PCDH15: variants seen among roughly 807,000 people sequenced by gnomAD.
PCDH15 encodes protocadherin-15.
In PCDH15, 129 loss-of-function variants were observed where a neutral mutation model predicts 178.5. That is an observed-to-expected ratio of 0.72 (90% confidence interval 0.63 to 0.84). The LOEUF (loss-of-function observed/expected upper bound fraction) is 0.84. Among genes scored for constraint, PCDH15 ranks in the 40% least tolerant of loss-of-function variants. PCDH15 has a pLI of 0.00. For synonymous variants in PCDH15, 800 were observed against 732.0 expected (o/e 1.09, Z -1.50); for missense variants, 2,230 against 2,099.9 (o/e 1.06, Z -1.21).
rs575764946 is a variant in PCDH15, at chr10:54,169,377, C to T, written c.1590+14067G>A. 8.0e-4 allele frequency among the ~76,000 whole-genome samples: 103 copies of T among 129,376 alleles called. 1 individual carries two copies. The highest frequency in any genetic ancestry group is 7.1e-3 in the Middle Eastern group (2 of 280). 84.9% of individuals were successfully genotyped at this position (129,376 alleles called of 152,430 possible). On this transcript the variant is annotated intron_variant, in intron 13 of 37. Coordinates refer to ENST00000644397, the MANE Select transcript of PCDH15 (RefSeq NM_001384140.1). ...ACCTTCTTTTCAAGGGCCTGTTTCCCTTGCCTCCATAACTGTTGTGGGTAT... is the reference window on the plus strand; with the variant it reads ...ACCTTCTTTTCAAGGGCCTGTTTCCTTTGCCTCCATAACTGTTGTGGGTAT...
Position 54,901,982 on chromosome 10 carries a change from A to C in PCDH15, c.-79-4482T>G, listed in dbSNP as rs933143895. ...TATTAAGCAAATTTACCAAATATTC[A>C]TATTGATACATTCCATTCAAATGAT... On this transcript the variant is annotated intron_variant, in intron 2 of 5. Transcript: ENST00000458638. Among the ~76,000 whole-genome samples the C allele has an allele frequency of 2.3e-5, 2 of 87,854 alleles. 1 individual carries two copies. The highest frequency in any genetic ancestry group is 4.4e-5 in the Non-Finnish European group (2 of 45,714). The allele number at this position is 87,854 out of a possible 152,430, so 57.6% of individuals were successfully genotyped here. A position where few individuals can be genotyped will look rare whatever the true frequency, so the allele number is the denominator to read the frequency against.
At chr10:54,032,346 T>A (rs1392150371) in intron 18 of PCDH15, among the ~76,000 whole-genome samples, 1 of 152,026 alleles carries the variant, frequency 6.6e-6, no homozygotes, top group Non-Finnish European at 1.5e-5. Flanking sequence ...TTTTTTTCTG[T>A]CATTTTTTAA....
chr10:55,147,795 C>T (rs1157219926), intron 2 of PCDH15, among the ~76,000 whole-genome samples: 1 of 146,024 alleles, frequency 6.8e-6, no homozygotes, highest in Non-Finnish European at 1.5e-5. Flanking sequence ...TATATCTCCT[C>T]TTTCTTCTTA....
At chr10:54,105,364 A>T (rs2094899797) in intron 15 of PCDH15, among the ~76,000 whole-genome samples, 1 of 148,338 alleles carries the variant, frequency 6.7e-6, no homozygotes, top group African/African-American at 2.5e-5. Flanking sequence ...ACATACACAA[A>T]ACTAATAGGA....
At chr10:54,834,137 A>G (rs769552460) in intron 3 of PCDH15, among the ~76,000 whole-genome samples, 3 of 152,016 alleles carry the variant, frequency 2.0e-5, no homozygotes, top group Non-Finnish European at 2.9e-5. Flanking sequence ...TCCAGTGCCT[A>G]ACACATTGCC....
chr10:54,585,353 G>A (rs1460170199), intron 2 of PCDH15, among the ~76,000 whole-genome samples: 2 of 152,054 alleles, frequency 1.3e-5, no homozygotes, highest in Non-Finnish European at 2.9e-5. Context: ...TTCTTTAGGA[G>A]GCTGAATATT....
At position 54,535,014 on chromosome 10, in the gene PCDH15, T is replaced by G. The variant is rs142994581; in HGVS notation, c.92-7137A>C. On this transcript the variant is annotated intron_variant, in intron 2 of 37. Coordinates refer to ENST00000644397, the MANE Select transcript of PCDH15 (RefSeq NM_001384140.1). ...ATGATAGAACAAAAGCAAAATAAAC[T>G]GAGTAAATTTAAGGACAGAGCAAGT... Among the ~76,000 whole-genome samples, 469 of 152,330 alleles carry G rather than the reference T, an allele frequency of 3.1e-3. 1 individual carries two copies. Among genetic ancestry groups the G allele is most frequent in the Non-Finnish European group, 4.7e-3 (321 of 68,020 alleles).
chr10:54,618,838 T>C (rs1057479256), intron 2 of PCDH15, among the ~76,000 whole-genome samples: 1 of 152,022 alleles, frequency 6.6e-6, no homozygotes, highest in East Asian at 1.9e-4. Context: ...GCAAAATATA[T>C]GAAGACACAC....
At chr10:55,445,550 A>G (rs7913592) in intron 2 of PCDH15, among the ~76,000 whole-genome samples, 47,192 of 152,050 alleles carry the variant, frequency 0.31, 7,548 homozygotes, top group African/African-American at 0.37. Context: ...TGAAAAATAC[A>G]TATGCTACAA....
chr10:55,210,318 T>C (rs1193296746), intron 1 of PCDH15, among the ~76,000 whole-genome samples: 2 of 152,028 alleles, frequency 1.3e-5, no homozygotes, highest in Non-Finnish European at 2.9e-5. Context: ...AAGTCACTTA[T>C]GAAGTTTTTA....
intron 8 of PCDH15, among the ~76,000 whole-genome samples, chr10:54,303,598 G>A (rs1591687041): frequency 6.6e-6 from 1 of 152,036 alleles, no homozygotes; most frequent in African/African-American, 2.4e-5. Flanking sequence ...GTATACAAGA[G>A]AATGTAATTT....
intron 1 of PCDH15, among the ~76,000 whole-genome samples, chr10:55,192,903 CAT>C (rs941362064): frequency 6.7e-6 from 1 of 149,714 alleles, no homozygotes; most frequent in African/African-American, 2.5e-5. Context: ...TTTATTGTAA[CAT>C]GTGAATTAAA....
intron 8 of PCDH15, among the ~76,000 whole-genome samples, chr10:54,292,978 G>C (rs1046286675): frequency 6.6e-6 from 1 of 151,988 alleles, no homozygotes; most frequent in Non-Finnish European, 1.5e-5. Flanking sequence ...TAAAGTTCAA[G>C]TGGAAATAAA....
At chr10:54,861,286 A>G (rs774090937) in intron 3 of PCDH15, among the ~76,000 whole-genome samples, 41 of 152,186 alleles carry the variant, frequency 2.7e-4, no homozygotes, top group Non-Finnish European at 5.0e-4. Flanking sequence ...GATAAAAGTA[A>G]CATTACATCT....
At chr10:55,140,118 T>C (rs1215559297) in intron 2 of PCDH15, among the ~76,000 whole-genome samples, 1 of 151,990 alleles carries the variant, frequency 6.6e-6, no homozygotes, top group Non-Finnish European at 1.5e-5. Context: ...TTATTTGGTC[T>C]CCTGTGACGT....
Position 54,793,866 on chromosome 10 carries a change from T to C in PCDH15, c.-29+7059A>G, listed in dbSNP as rs1170587169. Among the ~76,000 whole-genome samples, 4 of 148,724 alleles carry C rather than the reference T, an allele frequency of 2.7e-5. No individual in the cohort carries two copies. The East Asian group carries it at 7.9e-4, about 29-fold the overall frequency. ...AGTAAATCAAAAGATAACATCATAA[T>C]CATGTTATTTAAAAATATGTGAATA... On this transcript the variant is annotated intron_variant, in intron 1 of 37. Transcript: ENST00000644397.
intron 2 of PCDH15, among the ~76,000 whole-genome samples, chr10:55,562,546 G>A (rs1332252616): frequency 4.0e-5 from 6 of 151,844 alleles, no homozygotes; most frequent in East Asian, 1.9e-4. Context: ...GAAATGTGTC[G>A]TACATCTATA....
intron 20 of PCDH15, among the ~76,000 whole-genome samples, chr10:54,006,885 C>T (rs1403012400): frequency 6.6e-6 from 1 of 152,120 alleles, no homozygotes; most frequent in Non-Finnish European, 1.5e-5. Context: ...CCTACTCCCA[C>T]ACCTGCACAC....
At chr10:54,564,077 C>G (rs1590138777) in intron 2 of PCDH15, among the ~76,000 whole-genome samples, 1 of 151,964 alleles carries the variant, frequency 6.6e-6, no homozygotes, top group Admixed American at 6.6e-5. Context: ...TAAAGAATTA[C>G]CCCCAATTAA....
Sources: allele counts gnomAD v4.1 joint callset (sites outside exome capture counted in the v4.1 genomes callset), GRCh38; gene constraint gnomAD v4.1.1; transcripts MANE v1.5; gene names NCBI Gene and HGNC (gene_info 2026-07-23, HGNC 2026-07-21).